UMAD1: variants seen among roughly 807,000 people sequenced by gnomAD.
UMAD1 encodes UBAP1-MVB12-associated (UMA)-domain containing protein 1.
Under a neutral mutation model 6.1 loss-of-function variants are expected in UMAD1, and 8 were observed. That is an observed-to-expected ratio of 1.30 (90% CI 0.76 to 2.35). The LOEUF is 2.35. Among genes scored for constraint, UMAD1 ranks in the 30% most tolerant of loss-of-function variants. The pLI, the probability that UMAD1 is intolerant of heterozygous loss-of-function variation, is 0.00. For synonymous variants in UMAD1, 56 were observed against 31.4 expected, an observed-to-expected ratio of 1.78 and a Z score of -2.61; for missense variants, 130 against 78.4, an observed-to-expected ratio of 1.66 and a Z score of -2.49.
At position 7,877,783 on chromosome 7, in the gene UMAD1, A is replaced by C. The variant is rs1475125987; in HGVS notation, c.*245A>C. Reference sequence around the variant, plus strand: ...CAAATTAGGCTATGAAGGTTTTAGGAAAGGACTCGATTCCTTCAGATGGTC... The same window carrying C: ...CAAATTAGGCTATGAAGGTTTTAGGCAAGGACTCGATTCCTTCAGATGGTC... On this transcript the variant is annotated 3_prime_UTR_variant, in exon 4 of 4. Coordinates refer to ENST00000682710, the MANE Select transcript of UMAD1 (RefSeq NM_001302348.2). 2.2e-6 allele frequency: 1 copy of C among 452,314 alleles called. No homozygotes were observed. Among genetic ancestry groups the C allele is most frequent in the East Asian group, 3.8e-5 (1 of 26,180 alleles). 28.0% of individuals were successfully genotyped at this position (452,314 alleles called of 1,614,324 possible). A position where few individuals can be genotyped will look rare whatever the true frequency, so the allele number is the denominator to read the frequency against.
At chr7:7,714,834 T>C (rs1563147997) in intron 2 of UMAD1, among the ~76,000 whole-genome samples, 2 of 151,134 alleles carry the variant, frequency 1.3e-5, no homozygotes, top group Non-Finnish European at 1.5e-5. Context: ...CCTCATGAAC[T>C]GGTTGTTCAA....
At chr7:7,732,433 A>G (rs187980000) in intron 2 of UMAD1, among the ~76,000 whole-genome samples, 12 of 152,326 alleles carry the variant, frequency 7.9e-5, no homozygotes, top group Middle Eastern at 3.4e-3. Context: ...CATCATAGCC[A>G]TTTGGGGTGT....
chr7:7,670,575 C>G (rs763261991), intron 1 of UMAD1, among the ~76,000 whole-genome samples: 16 of 152,194 alleles, frequency 1.1e-4, no homozygotes, highest in Admixed American at 2.6e-4. Flanking sequence ...TAACTCACCC[C>G]TCCCCAAGGC....
At chr7:7,827,122 G>A (rs914497537) in intron 3 of UMAD1, among the ~76,000 whole-genome samples, 19 of 140,340 alleles carry the variant, frequency 1.4e-4, no homozygotes, top group Admixed American at 1.1e-3. Context: ...CACAGTCCAG[G>A]ATATATATAT....
chr7:7,843,692 A>C (rs7780564), intron 3 of UMAD1, among the ~76,000 whole-genome samples: 81,055 of 151,336 alleles, frequency 0.54, 21,915 homozygotes, highest in Middle Eastern at 0.65. Flanking sequence ...AAGAGTTGTA[A>C]CAAAAGAGTT....
At chr7:7,786,852 G>A (rs1260407934) in intron 2 of UMAD1, among the ~76,000 whole-genome samples, 1 of 152,188 alleles carries the variant, frequency 6.6e-6, no homozygotes, top group African/African-American at 2.4e-5. Context: ...TCCGGATGTG[G>A]TTAAAGCATG....
chr7:7,736,848 C>A (rs1781369915), intron 2 of UMAD1: 1 of 152,282 alleles, frequency 6.6e-6, no homozygotes, highest in South Asian at 2.1e-4. Flanking sequence ...ACCAATGCAT[C>A]TCTGACAGCT....
intron 3 of UMAD1, among the ~76,000 whole-genome samples, chr7:7,807,779 C>T (rs1782947284): frequency 6.6e-6 from 1 of 152,036 alleles, no homozygotes; most frequent in Non-Finnish European, 1.5e-5. Context: ...TTAGCATTCA[C>T]TCCAGAAAAA....
intron 2 of UMAD1, among the ~76,000 whole-genome samples, chr7:7,733,467 T>C (rs1781294221): frequency 6.6e-6 from 1 of 151,698 alleles, no homozygotes. Context: ...TGCAATTCCG[T>C]ACATTATAAT....
chr7:7,642,119 A>AC, intron 1 of UMAD1, among the ~76,000 whole-genome samples: 1 of 152,290 alleles, frequency 6.6e-6, no homozygotes, highest in Middle Eastern at 3.4e-3. Context: ...AGGGGAGAGT[A>AC]CACACATCAA....
At chr7:7,743,678 A>G (rs1470780292) in intron 2 of UMAD1, among the ~76,000 whole-genome samples, 1 of 107,958 alleles carries the variant, frequency 9.3e-6, no homozygotes, top group Non-Finnish European at 2.0e-5. Context: ...GCTAATATAC[A>G]TATATGTGTA....
rs114136887 is a variant in UMAD1, at chr7:7,760,694, G to C, written c.83-40976G>C. On this transcript the variant is annotated intron_variant, in intron 2 of 3. Coordinates refer to ENST00000682710, the MANE Select transcript of UMAD1 (RefSeq NM_001302348.2). ...AAGATAGCAAGGCAGGGAAGGACAGGACATATGTAAGGTAGAGAGTAATTA... is the reference window on the plus strand; with the variant it reads ...AAGATAGCAAGGCAGGGAAGGACAGCACATATGTAAGGTAGAGAGTAATTA... 2.0e-4 allele frequency among the ~76,000 whole-genome samples: 30 copies of C among 152,258 alleles called. 1 individual carries two copies. Among genetic ancestry groups the C allele is most frequent in the African/African-American group, 7.2e-4 (30 of 41,558 alleles).
chr7:7,668,970 C>T (rs1487385368), intron 1 of UMAD1, among the ~76,000 whole-genome samples: 1 of 152,040 alleles, frequency 6.6e-6, no homozygotes, highest in Non-Finnish European at 1.5e-5. Context: ...ACCTAATGGA[C>T]ATAGCTTTGG....
chr7:7,786,006 G>A (rs1782454724), intron 2 of UMAD1, among the ~76,000 whole-genome samples: 1 of 152,106 alleles, frequency 6.6e-6, no homozygotes, highest in South Asian at 2.1e-4. Flanking sequence ...AAACTTAAAA[G>A]GTCACAAAAA....
intron 2 of UMAD1, among the ~76,000 whole-genome samples, chr7:7,706,964 T>G (rs904346069): frequency 4.6e-5 from 7 of 152,198 alleles, no homozygotes; most frequent in African/African-American, 1.7e-4. Context: ...AATGCCAGGC[T>G]TATATTCTTG....
At chr7:7,810,706 A>G (rs1343719483) in intron 3 of UMAD1, among the ~76,000 whole-genome samples, 1 of 152,196 alleles carries the variant, frequency 6.6e-6, no homozygotes. Flanking sequence ...TATATTTTAA[A>G]TGATAGTAAT....
intron 2 of UMAD1, among the ~76,000 whole-genome samples, chr7:7,752,668 G>A (rs980452450): frequency 6.6e-6 from 1 of 151,768 alleles, no homozygotes. Context: ...TTTTAATTTC[G>A]TATGTGGAAA....
At chr7:7,657,384 G>A (rs1785368826) in intron 1 of UMAD1, among the ~76,000 whole-genome samples, 1 of 152,142 alleles carries the variant, frequency 6.6e-6, no homozygotes, top group Non-Finnish European at 1.5e-5. Flanking sequence ...TGAAGTCTTT[G>A]CCCATGCCTA....
At chr7:7,739,495 G>A (rs13237271) in intron 2 of UMAD1, among the ~76,000 whole-genome samples, 31,093 of 152,108 alleles carry the variant, frequency 0.2, 3,581 homozygotes, top group African/African-American at 0.32. Flanking sequence ...CTCTTGTGCA[G>A]TGTGGTTTGA....
Sources: allele counts gnomAD v4.1 joint callset (sites outside exome capture counted in the v4.1 genomes callset), GRCh38; gene constraint gnomAD v4.1.1; transcripts MANE v1.5; gene names NCBI Gene and HGNC (gene_info 2026-07-23, HGNC 2026-07-21).